The following MRPL22 variants were observed in gnomAD, a reference collection of about 807,000 sequenced individuals.
MRPL22 encodes mitochondrial ribosomal protein L22, also known as large ribosomal subunit protein uL22m.
In MRPL22, 27 loss-of-function variants were observed where a neutral mutation model predicts 32.4. The observed-to-expected ratio is 0.83, with a 90% CI of 0.61 to 1.15. The LOEUF (loss-of-function observed/expected upper bound fraction) is 1.15. Among genes scored for constraint, MRPL22 ranks in the 50% most tolerant of loss-of-function variants. MRPL22 has a pLI of 0.00. For missense variants in MRPL22, 239 were observed against 260.2 expected (o/e 0.92, Z 0.56); for synonymous variants, 86 against 87.3 (o/e 0.99, Z 0.08).
At chr5:154,944,659 A>G (rs1008424976) in intron 2 of MRPL22, among the ~76,000 whole-genome samples, 2 of 152,224 alleles carry the variant, frequency 1.3e-5, no homozygotes, top group Admixed American at 6.5e-5. Context: ...TAAGCAAAAT[A>G]AGTAAAATAT....
intron 6 of MRPL22, among the ~76,000 whole-genome samples, chr5:154,964,158 C>T (rs943180748): frequency 3.3e-5 from 5 of 152,054 alleles, no homozygotes; most frequent in South Asian, 2.1e-4. Flanking sequence ...TAACAATAAG[C>T]GGTAGTTTTG....
chr5:154,941,969 C>A (rs554958523), intron 2 of MRPL22, among the ~76,000 whole-genome samples: 1 of 152,290 alleles, frequency 6.6e-6, no homozygotes, highest in South Asian at 2.1e-4. Context: ...ATAGGCTTTG[C>A]AGACAGATGA....
chr5:154,968,565 T>A lies in MRPL22; in HGVS notation c.*1668T>A, dbSNP rs980407995. ...TCCTGGGCTCTACTCTCAGACTAAG[T>A]GAATCAGAAGCTTTGGTGTGGGAGA... is the stretch of plus-strand genomic sequence containing the variant. On this transcript the variant is annotated 3_prime_UTR_variant, in exon 7 of 7. Transcript: ENST00000523037. The A allele has an allele frequency of 2.6e-5, 4 of 152,340 alleles. No individual in the cohort carries two copies. The highest frequency in any genetic ancestry group is 9.6e-5 in the African/African-American group (4 of 41,586). The allele number at this position is 152,340 out of a possible 1,614,324, so 9.4% of individuals were successfully genotyped here. A position where few individuals can be genotyped will look rare whatever the true frequency, so the allele number is the denominator to read the frequency against.
intron 2 of MRPL22, among the ~76,000 whole-genome samples, chr5:154,945,760 C>T (rs1764481181): frequency 6.6e-6 from 1 of 152,114 alleles, no homozygotes; most frequent in Admixed American, 6.6e-5. Context: ...AGTGAGTGAC[C>T]AGAGATACTT....
At position 154,945,129 on chromosome 5, in the gene MRPL22, G is replaced by A. The variant is rs115479711; in HGVS notation, c.77+3864G>A. On this transcript the variant is annotated intron_variant, in intron 2 of 6. Transcript: ENST00000523037. ...GGCTGCTGTGTTGAGAATAGACTGG[G>A]GTGGGGATGGGGAGCAAGGATGGAA... Among the ~76,000 whole-genome samples the A allele has an allele frequency of 7.3e-3, 1,104 of 152,262 alleles. 10 individuals carry two copies. The highest frequency in any genetic ancestry group is 0.026 in the African/African-American group (1,068 of 41,550).
chr5:154,948,902 ATTATG>A (rs1467735254), intron 2 of MRPL22, among the ~76,000 whole-genome samples: 15 of 152,138 alleles, frequency 9.9e-5, no homozygotes, highest in Non-Finnish European at 1.8e-4. Context: ...TCCTGGTTTT[ATTATG>A]AACTTATGGC....
At chr5:154,951,022 TA>T (rs1200305348) in intron 3 of MRPL22, 84 bp downstream of exon 3, 2 of 892,762 alleles carry the variant, frequency 2.2e-6, no homozygotes, top group Non-Finnish European at 3.5e-6. Context: ...TATTCTGTGT[TA>T]AAAAAATTAT....
At chr5:154,943,605 T>C (rs1244728254) in intron 2 of MRPL22, among the ~76,000 whole-genome samples, 2 of 151,342 alleles carry the variant, frequency 1.3e-5, no homozygotes, top group Non-Finnish European at 2.9e-5. Flanking sequence ...CATATATACA[T>C]ATATACACAT....
intron 3 of MRPL22, among the ~76,000 whole-genome samples, chr5:154,952,936 A>G (rs903531205): frequency 2.0e-5 from 3 of 152,216 alleles, no homozygotes; most frequent in Admixed American, 2.0e-4. Flanking sequence ...ATAAAAATGA[A>G]TGTTACCAAT....
intron 2 of MRPL22, among the ~76,000 whole-genome samples, chr5:154,949,515 T>G (rs908505064): frequency 3.3e-5 from 5 of 152,182 alleles, no homozygotes; most frequent in Non-Finnish European, 7.3e-5. Flanking sequence ...TAGAGGCTAT[T>G]GCTATATAGG....
intron 2 of MRPL22, among the ~76,000 whole-genome samples, chr5:154,945,737 T>C (rs1471617220): frequency 6.6e-6 from 1 of 152,164 alleles, no homozygotes; most frequent in East Asian, 1.9e-4. Context: ...TTAAAGAAAG[T>C]GTCTCAAGGA....
chr5:154,948,441 T>C (rs1561738623), intron 2 of MRPL22, among the ~76,000 whole-genome samples: 1 of 152,242 alleles, frequency 6.6e-6, no homozygotes, highest in African/African-American at 2.4e-5. Flanking sequence ...GTAATTTATT[T>C]GTTGGAGACA....
At chr5:154,952,637 T>C (rs1171337338) in intron 3 of MRPL22, among the ~76,000 whole-genome samples, 1 of 152,198 alleles carries the variant, frequency 6.6e-6, no homozygotes, top group African/African-American at 2.4e-5. Flanking sequence ...TATTGGTACA[T>C]CAGTTGTACC....
Position 154,969,018 on chromosome 5 carries a change from G to A in MRPL22, c.*2121G>A, listed in dbSNP as rs905335642. On this transcript the variant is annotated 3_prime_UTR_variant, in exon 7 of 7. Coordinates refer to ENST00000523037, the MANE Select transcript of MRPL22 (RefSeq NM_014180.4). ...ATCCGGCTAGTTTTCGTGGCTAAGAGTGTACTTTCTAACATCCATGAACAT... is the reference window on the plus strand; with the variant it reads ...ATCCGGCTAGTTTTCGTGGCTAAGAATGTACTTTCTAACATCCATGAACAT... The A allele has an allele frequency of 6.6e-6, 1 of 152,248 alleles. No homozygotes were observed. The highest frequency in any genetic ancestry group is 1.5e-5 in the Non-Finnish European group (1 of 68,056). The allele number at this position is 152,248 out of a possible 1,614,324, so 9.4% of individuals were successfully genotyped here.
chr5:154,941,701 C>T (rs1162848942), intron 2 of MRPL22, among the ~76,000 whole-genome samples: 1 of 152,178 alleles, frequency 6.6e-6, no homozygotes, highest in Non-Finnish European at 1.5e-5. Context: ...CGAGTAGGTT[C>T]TGCTATACCC....
In MRPL22 at chr5:154,951,048, T is replaced by C. The variant is rs112316530; in HGVS notation, c.195+110T>C. On this transcript the variant is annotated intron_variant, in intron 3 of 6. Transcript: ENST00000523037. ...AAAAAAATTATACAACCATTCACTC[T>C]AATTGACAGAGAAGATGTACTAGAT... is the stretch of plus-strand genomic sequence containing the variant. 1.3e-4 allele frequency: 94 copies of C among 705,656 alleles called. No homozygotes were observed. In the African/African-American group the frequency reaches 1.5e-3, roughly 11 times the overall value. The allele number at this position is 705,656 out of a possible 1,614,324, so 43.7% of individuals were successfully genotyped here.
chr5:154,958,712 T>TTTTTC (rs1764664105), intron 5 of MRPL22, among the ~76,000 whole-genome samples: 1 of 151,796 alleles, frequency 6.6e-6, no homozygotes, highest in Non-Finnish European at 1.5e-5. Context: ...GTCCAGCTAA[T>TTTTTC]ATTTTTGTAT....
chr5:154,962,661 GA>G (rs1440329336), intron 6 of MRPL22, among the ~76,000 whole-genome samples: 1 of 152,160 alleles, frequency 6.6e-6, no homozygotes, highest in Non-Finnish European at 1.5e-5. Flanking sequence ...CACAGATTTA[GA>G]AAGTTCACTT....
In MRPL22 at chr5:154,960,034, T is replaced by G; in HGVS notation, c.394T>G (p.Ser132Ala). The G allele has an allele frequency of 5.0e-6, 8 of 1,609,768 alleles. No individual in the cohort carries two copies. Among genetic ancestry groups the G allele is most frequent in the Non-Finnish European group, 6.8e-6 (8 of 1,176,652 alleles). The stretch of plus-strand genomic sequence containing the variant: ...GAGAGACCATAACGTGGAATTCAGG[T>G]CCAATTTATATATAGGTAAGATTTT... ...AVRDHNVEFRSNLYIAESTSG... is the reference protein window; with the variant it reads ...AVRDHNVEFRANLYIAESTSG... Residue 132 changes from serine (S) to alanine (A), a missense_variant, in exon 6 of 7, where the codon TCC (serine) becomes GCC (alanine). Coordinates refer to ENST00000523037, the MANE Select transcript of MRPL22 (RefSeq NM_014180.4).
Sources: allele counts gnomAD v4.1 joint callset (sites outside exome capture counted in the v4.1 genomes callset), GRCh38; gene constraint gnomAD v4.1.1; transcripts MANE v1.5; gene names NCBI Gene and HGNC (gene_info 2026-07-23, HGNC 2026-07-21).